The following CNTN4 variants were observed in gnomAD, a reference collection of about 807,000 sequenced individuals.
The protein encoded by CNTN4 is contactin-4.
Under a neutral mutation model 122.5 loss-of-function variants are expected in CNTN4, and 77 were observed. The ratio of observed to expected loss-of-function variants is 0.63; its 90% CI spans 0.52 to 0.76. CNTN4 has a LOEUF of 0.76. Among genes scored for constraint, CNTN4 ranks in the 30% least tolerant of loss-of-function variants. CNTN4 has a pLI of 0.00. For synonymous variants in CNTN4, 512 were observed against 447.0 expected (o/e 1.15, Z -1.83); for missense variants, 1,256 against 1,259.1 (o/e 1.00, Z 0.04).
chr3:2,295,338 T>C lies in CNTN4; in HGVS notation c.-144-43840T>C, dbSNP rs530774019. ...ATTTCTCCACATCCTCTCCAGCACC[T>C]GTTGTTTCCTGACTTTTGAATGATC... On this transcript the variant is annotated intron_variant, in intron 2 of 24. Coordinates refer to ENST00000418658, the MANE Select transcript of CNTN4 (RefSeq NM_175607.3). Among the ~76,000 whole-genome samples, 63 of 136,526 alleles carry C rather than the reference T, an allele frequency of 4.6e-4. 2 individuals carry two copies. In the South Asian group the frequency reaches 0.013, roughly 29 times the overall value. The allele number at this position is 136,526 out of a possible 152,430, so 89.6% of individuals were successfully genotyped here. A position where few individuals can be genotyped will look rare whatever the true frequency, so the allele number is the denominator to read the frequency against.
rs115332194 is a variant in CNTN4 at position 2,460,512 on chromosome 3, G to A, written c.-88-110904G>A. Reference sequence around the variant, plus strand: ...GGGCTCAAATATTAAGGAGATAGGGGCAGATACTGGGCCTTTGATTAATAT... The same window carrying A: ...GGGCTCAAATATTAAGGAGATAGGGACAGATACTGGGCCTTTGATTAATAT... On this transcript the variant is annotated intron_variant, in intron 3 of 24. Coordinates refer to ENST00000418658, the MANE Select transcript of CNTN4 (RefSeq NM_175607.3). Among the ~76,000 whole-genome samples the A allele has an allele frequency of 5.3e-3, 805 of 152,208 alleles. 6 individuals are homozygous for A. The highest frequency in any genetic ancestry group is 0.015 in the African/African-American group (616 of 41,524).
At chr3:2,384,761 CGT>C (rs67019083) in intron 3 of CNTN4, among the ~76,000 whole-genome samples, 17,741 of 147,518 alleles carry the variant, frequency 0.12, 1,099 homozygotes, top group South Asian at 0.2. Context: ...TCAATGTGTG[CGT>C]GTGTGTGTGT....
At chr3:2,593,850 G>A (rs772797871) in intron 4 of CNTN4, among the ~76,000 whole-genome samples, 7 of 152,040 alleles carry the variant, frequency 4.6e-5, no homozygotes, top group African/African-American at 9.7e-5. Flanking sequence ...ATCTGAAGTC[G>A]TCAAATATAT....
At chr3:2,304,780 G>C (rs1376993288) in intron 2 of CNTN4, among the ~76,000 whole-genome samples, 1 of 150,084 alleles carries the variant, frequency 6.7e-6, no homozygotes, top group Non-Finnish European at 1.5e-5. Flanking sequence ...AATTACAATG[G>C]AGCTTTTTCC....
intron 4 of CNTN4, among the ~76,000 whole-genome samples, chr3:2,691,882 T>A (rs922209631): frequency 4.6e-5 from 7 of 152,212 alleles, no homozygotes; most frequent in African/African-American, 1.7e-4. Context: ...ATTACAAATA[T>A]ATTTATGACC....
intron 4 of CNTN4, among the ~76,000 whole-genome samples, chr3:2,729,476 G>A (rs1206041314): frequency 1.3e-5 from 2 of 149,900 alleles, no homozygotes; most frequent in Non-Finnish European, 3.0e-5. Flanking sequence ...CCTGGGAGGT[G>A]GAGGTTGCAG....
chr3:2,314,001 A>C (rs2043005386), intron 2 of CNTN4, among the ~76,000 whole-genome samples: 1 of 152,064 alleles, frequency 6.6e-6, no homozygotes, highest in African/African-American at 2.4e-5. Flanking sequence ...TGAAAACTTT[A>C]AACTAAAAAT....
chr3:2,467,114 A>T (rs983738347), intron 3 of CNTN4, among the ~76,000 whole-genome samples: 2 of 147,676 alleles, frequency 1.4e-5, no homozygotes, highest in Admixed American at 1.3e-4. Flanking sequence ...TTCCCATTGG[A>T]TGATATGCAA....
chr3:2,736,185 C>T (rs1170496998), intron 4 of CNTN4, 30 bp from the exon 5 acceptor site: 1 of 1,609,322 alleles, frequency 6.2e-7, no homozygotes, highest in Non-Finnish European at 8.5e-7. Context: ...AGGGATTCTT[C>T]ATTTTGGACA....
At chr3:2,840,510 C>G (rs567249979) in intron 7 of CNTN4, among the ~76,000 whole-genome samples, 3 of 128,188 alleles carry the variant, frequency 2.3e-5, no homozygotes, top group South Asian at 6.2e-4. Flanking sequence ...ACCATCCTGG[C>G]TAACACGGTG....
intron 3 of CNTN4, among the ~76,000 whole-genome samples, chr3:2,452,874 C>G (rs1480913249): frequency 6.6e-6 from 1 of 152,036 alleles, no homozygotes; most frequent in Non-Finnish European, 1.5e-5. Context: ...CCCAGAGAAG[C>G]CTAGACCCCT....
chr3:2,270,344 A>G (rs957684851), intron 2 of CNTN4, among the ~76,000 whole-genome samples: 3 of 152,136 alleles, frequency 2.0e-5, no homozygotes, highest in Non-Finnish European at 4.4e-5. Context: ...TTTGGTGTAC[A>G]GATTATTTTG....
At chr3:2,681,251 G>A (rs1264474887) in intron 4 of CNTN4, among the ~76,000 whole-genome samples, 1 of 151,912 alleles carries the variant, frequency 6.6e-6, no homozygotes, top group African/African-American at 2.4e-5. Flanking sequence ...GCTACAGATT[G>A]CCAAAACATG....
At chr3:2,425,288 T>A (rs1351475252) in intron 3 of CNTN4, among the ~76,000 whole-genome samples, 1 of 152,172 alleles carries the variant, frequency 6.6e-6, no homozygotes, top group African/African-American at 2.4e-5. Context: ...TTTCAACATA[T>A]GGCTAGCCAG....
intron 4 of CNTN4, among the ~76,000 whole-genome samples, chr3:2,638,206 A>G (rs2150094051): frequency 6.6e-6 from 1 of 152,268 alleles, no homozygotes; most frequent in Admixed American, 6.5e-5. Context: ...ATGGCTTCAG[A>G]TTCATGACCC....
At chr3:2,773,222 G>C (rs983995759) in intron 6 of CNTN4, among the ~76,000 whole-genome samples, 3 of 152,090 alleles carry the variant, frequency 2.0e-5, no homozygotes, top group African/African-American at 7.2e-5. Flanking sequence ...CAGCTGAAGG[G>C]AGTGTAGAGT....
chr3:2,776,272 TTC>T, intron 6 of CNTN4, among the ~76,000 whole-genome samples: 1 of 42,664 alleles, frequency 2.3e-5, no homozygotes, highest in Admixed American at 3.0e-4. Flanking sequence ...TTATAAGTGT[TTC>T]TTTTTTTTTT....
At position 2,160,553 on chromosome 3, in the gene CNTN4, A is replaced by G. The variant is rs189672957; in HGVS notation, c.-145+59914A>G. Reference sequence around the variant, plus strand: ...TGGAATAAGTGATAGATTCCACATCAACTGCGTGACATCTAACACCTAGTA... The same window carrying G: ...TGGAATAAGTGATAGATTCCACATCGACTGCGTGACATCTAACACCTAGTA... On this transcript the variant is annotated intron_variant, in intron 2 of 24. Coordinates refer to ENST00000418658, the MANE Select transcript of CNTN4 (RefSeq NM_175607.3). 3.0e-3 allele frequency among the ~76,000 whole-genome samples: 461 copies of G among 152,296 alleles called. 2 individuals are homozygous for G. The highest frequency in any genetic ancestry group is 9.1e-3 in the South Asian group (44 of 4,826).
intron 3 of CNTN4, among the ~76,000 whole-genome samples, chr3:2,541,985 CTA>C (rs1250028860): frequency 6.6e-6 from 1 of 152,114 alleles, no homozygotes. Flanking sequence ...AATGGAGAGA[CTA>C]TTAATTTAGG....
Sources: gnomAD v4.1 joint callset for allele counts (sites outside exome capture counted in the v4.1 genomes callset) on GRCh38, gnomAD v4.1.1 for gene constraint, MANE v1.5 for transcripts, NCBI Gene and HGNC (gene_info 2026-07-23, HGNC 2026-07-21) for gene names.